Variants in RUBCNL observed in about 807,000 individuals in gnomAD.
The protein encoded by RUBCNL is rubicon like autophagy enhancer.
Under a neutral mutation model 69.5 loss-of-function variants are expected in RUBCNL, and 62 were observed. That is an observed-to-expected ratio of 0.89 (90% CI 0.73 to 1.10). RUBCNL has a LOEUF of 1.10. Ranked by LOEUF, RUBCNL falls within the 50% of genes least tolerant of loss-of-function variation. The pLI, the probability that RUBCNL is intolerant of heterozygous loss-of-function variation, is 0.00. For synonymous variants in RUBCNL, 291 were observed against 303.6 expected (o/e 0.96, Z 0.43); for missense variants, 768 against 798.1 (o/e 0.96, Z 0.45).
At position 46,363,219 on chromosome 13, in the gene RUBCNL, C is replaced by T. The variant is rs2048672682; in HGVS notation, c.827-6G>A. On this transcript the variant is annotated splice_region_variant and splice_polypyrimidine_tract_variant and intron_variant, in intron 5 of 14. Transcript: ENST00000429979. The stretch of plus-strand genomic sequence containing the variant: ...GACCTGTAACACAGCACAACCTAGA[C>T]AAAGAAAGGAAGGAGGTTTTTACCA... The T allele has an allele frequency of 3.4e-6, 5 of 1,467,998 alleles. No individual in the cohort carries two copies. The highest frequency in any genetic ancestry group is 4.6e-6 in the Non-Finnish European group (5 of 1,098,650). 90.9% of individuals were successfully genotyped at this position (1,467,998 alleles called of 1,614,324 possible).
Position 46,335,840 on chromosome 13 carries a change from A to C in RUBCNL, c.*7545T>G, listed in dbSNP as rs2138649089. Among the ~76,000 whole-genome samples, 1 of 152,324 alleles carries C rather than the reference A, an allele frequency of 6.6e-6. No individual in the cohort carries two copies. Among genetic ancestry groups the C allele is most frequent in the South Asian group, 2.1e-4 (1 of 4,828 alleles). On this transcript the variant is annotated 3_prime_UTR_variant, in exon 15 of 15. Transcript: ENST00000429979. The stretch of plus-strand genomic sequence containing the variant: ...TTTTCTGAGATGGAAAAGCCTGTAA[A>C]GAAATACTAATACAAGCACAGCTAT...
chr13:46,378,432 A>G (rs2049046980), intron 1 of RUBCNL: 1 of 154,232 alleles, frequency 6.5e-6, no homozygotes, highest in Non-Finnish European at 1.5e-5. Context: ...AAGAGATACC[A>G]ATCTCAAAGC....
At position 46,334,823 on chromosome 13, in the gene RUBCNL, CTT is replaced by C. The variant is rs1158859227; in HGVS notation, c.*8560_*8561del. ...CATTTTACAAATAGGAAACCGGAGT[CTT>C]AAGAAATTTGAGCAACTTATCACAA... is the stretch of plus-strand genomic sequence containing the variant. On this transcript the variant is annotated 3_prime_UTR_variant, in exon 15 of 15. Coordinates refer to ENST00000429979, the MANE Select transcript of RUBCNL (RefSeq NM_025113.5). Among the ~76,000 whole-genome samples, 1 of 152,134 alleles carries C rather than the reference CTT, an allele frequency of 6.6e-6. No individual in the cohort carries two copies. The highest frequency in any genetic ancestry group is 1.9e-4 in the East Asian group (1 of 5,200).
At chr13:46,359,889 G>A (rs1407843719) in intron 8 of RUBCNL, among the ~76,000 whole-genome samples, 3 of 152,076 alleles carry the variant, frequency 2.0e-5, no homozygotes, top group Non-Finnish European at 4.4e-5. Flanking sequence ...CAAATTTACT[G>A]TAAGTAGGTC....
At chr13:46,374,044 T>C (rs2048935556) in intron 2 of RUBCNL, among the ~76,000 whole-genome samples, 1 of 152,240 alleles carries the variant, frequency 6.6e-6, no homozygotes, top group South Asian at 2.1e-4. Context: ...GCTGCTGTCT[T>C]AGTCTGAGTT....
chr13:46,345,755 C>T (rs138678601), intron 12 of RUBCNL, among the ~76,000 whole-genome samples, 155 bp from the exon 13 acceptor site: 232 of 152,200 alleles, frequency 1.5e-3, no homozygotes, highest in African/African-American at 5.3e-3. Context: ...GAACCATGCT[C>T]GCCACCATTC....
At chr13:46,371,473 A>G (rs1258146971) in intron 3 of RUBCNL, among the ~76,000 whole-genome samples, 6 of 152,126 alleles carry the variant, frequency 3.9e-5, no homozygotes. Flanking sequence ...TTCAGGGGAA[A>G]CTGTAGTTAT....
chr13:46,344,271 C>T (rs2048194850), intron 14 of RUBCNL, among the ~76,000 whole-genome samples: 1 of 152,144 alleles, frequency 6.6e-6, no homozygotes, highest in Non-Finnish European at 1.5e-5. Context: ...TTACAGAACA[C>T]GGGATTCTCT....
chr13:46,374,634 T>C (rs1426067958), intron 2 of RUBCNL: 1 of 152,262 alleles, frequency 6.6e-6, no homozygotes, highest in Non-Finnish European at 1.5e-5. Context: ...AGAGATCTTT[T>C]ATAAACCTAA....
intron 2 of RUBCNL, among the ~76,000 whole-genome samples, chr13:46,376,719 T>C (rs1215879612): frequency 3.3e-5 from 5 of 152,230 alleles, no homozygotes; most frequent in Admixed American, 6.5e-5. Flanking sequence ...AGAAATAACA[T>C]TGTTAACCAT....
rs769720502 is a variant in RUBCNL at position 46,336,956 on chromosome 13, T to A, written c.*6429A>T. On this transcript the variant is annotated 3_prime_UTR_variant, in exon 15 of 15. Transcript: ENST00000429979. ...GTTTTTGATGTCTGCATGACTGTTATGGACTGAATATTTATATCTCCTCAA... is the reference window on the plus strand; with the variant it reads ...GTTTTTGATGTCTGCATGACTGTTAAGGACTGAATATTTATATCTCCTCAA... Among the ~76,000 whole-genome samples, 5 of 152,060 alleles carry A rather than the reference T, an allele frequency of 3.3e-5. No homozygotes were observed. The highest frequency in any genetic ancestry group is 1.2e-4 in the African/African-American group (5 of 41,386).
At chr13:46,354,723 T>C (rs1332120769) in intron 10 of RUBCNL, 2 of 453,126 alleles carry the variant, frequency 4.4e-6, no homozygotes, top group African/African-American at 4.0e-5. Flanking sequence ...CACTCTTGAC[T>C]CTTTTGTTAC....
chr13:46,364,757 C>G (rs1280100194), intron 5 of RUBCNL, among the ~76,000 whole-genome samples: 1 of 150,874 alleles, frequency 6.6e-6, no homozygotes, highest in African/African-American at 2.4e-5. Flanking sequence ...TACCAACCCA[C>G]CTCATGGAGG....
At chr13:46,363,597 A>G (rs983469379) in intron 5 of RUBCNL, among the ~76,000 whole-genome samples, 3 of 152,204 alleles carry the variant, frequency 2.0e-5, no homozygotes, top group Admixed American at 6.5e-5. Flanking sequence ...GTGCACTTGT[A>G]GTCCCAGCTA....
In RUBCNL at chr13:46,361,719, C is replaced by T. The variant is rs1050505809; in HGVS notation, c.987-146G>A. 5.6e-6 allele frequency: 4 copies of T among 712,316 alleles called. No homozygotes were observed. The African/African-American group carries it at 7.2e-5, about 13-fold the overall frequency. The allele number at this position is 712,316 out of a possible 1,614,324, so 44.1% of individuals were successfully genotyped here. On this transcript the variant is annotated intron_variant, in intron 7 of 14. Coordinates refer to ENST00000429979, the MANE Select transcript of RUBCNL (RefSeq NM_025113.5). ...GATGACGCATGAATCACTCACCAGG[C>T]ATCTTACTCAACATGGCTCCTGCAT...
rs753948562 is a variant in RUBCNL, at chr13:46,368,794, C to G, written c.557G>C (p.Arg186Thr). 5 of 1,613,700 alleles carry G rather than the reference C, an allele frequency of 3.1e-6. No individual in the cohort carries two copies. In the East Asian group the frequency reaches 8.9e-5, roughly 29 times the overall value. Residue 186 changes from arginine to threonine, a missense_variant, in exon 4 of 15, where the codon AGA (arginine) becomes ACA (threonine). Physicochemically the swap from Arg to Thr is moderately conservative, Grantham distance 71. Transcript: ENST00000429979. ...TGAGAAGGAATTCGAAGAAATGGTT[C>G]TTCTACTGACTTGAACAGCACCTGC... ...ADEGAVQVSR[R>T]TISSNSFSPE...
At chr13:46,356,389 T>G in intron 10 of RUBCNL, 43 bp downstream of exon 10, 1 of 1,598,760 alleles carries the variant, frequency 6.3e-7, no homozygotes, top group African/African-American at 1.3e-5. Context: ...ATTCTGGACC[T>G]TGTCATCACA....
intron 14 of RUBCNL, among the ~76,000 whole-genome samples, chr13:46,344,239 G>T (rs536541771): frequency 6.6e-6 from 1 of 152,258 alleles, no homozygotes; most frequent in African/African-American, 2.4e-5. Flanking sequence ...TCATTACCAG[G>T]ATCTCTCCCA....
At position 46,374,372 on chromosome 13, in the gene RUBCNL, CG is replaced by C. The variant is rs2048943081; in HGVS notation, c.-122-1776del. 2 of 152,348 alleles carry C rather than the reference CG, an allele frequency of 1.3e-5. 1 individual carries two copies. The highest frequency in any genetic ancestry group is 1.3e-4 in the Admixed American group (2 of 15,286). The allele number at this position is 152,348 out of a possible 1,614,324, so 9.4% of individuals were successfully genotyped here. The stretch of plus-strand genomic sequence containing the variant: ...GATTACAGGTGGGATCCACCGTGCC[CG>C]GCCAGTAACACCGTGTTTTAACACC... On this transcript the variant is annotated intron_variant, in intron 2 of 14. Coordinates refer to ENST00000429979, the MANE Select transcript of RUBCNL (RefSeq NM_025113.5).
Sources: allele counts gnomAD v4.1 joint callset (sites outside exome capture counted in the v4.1 genomes callset), GRCh38; gene constraint gnomAD v4.1.1; transcripts MANE v1.5; gene names NCBI Gene and HGNC (gene_info 2026-07-23, HGNC 2026-07-21).